The following ASXL1 variants were observed in gnomAD, a reference collection of about 807,000 sequenced individuals.
ASXL1 encodes ASXL transcriptional regulator 1, also known as polycomb group protein ASXL1.
ASXL1 carries 65 observed loss-of-function variants against 89.1 expected under a neutral mutation model. That is an observed-to-expected ratio of 0.73 (90% CI 0.60 to 0.90). The LOEUF is 0.90. Among genes scored for constraint, ASXL1 ranks in the 40% least tolerant of loss-of-function variants. The pLI is 0.00. For synonymous variants in ASXL1, 739 were observed against 746.9 expected (o/e 0.99, Z 0.17); for missense variants, 1,786 against 1,942.9 (o/e 0.92, Z 1.52).
chr20:32,396,767 T>A (rs949080479), intron 4 of ASXL1, among the ~76,000 whole-genome samples: 2 of 152,076 alleles, frequency 1.3e-5, no homozygotes, highest in Non-Finnish European at 2.9e-5. Context: ...ATATAAAAAA[T>A]TTTTTTGAGC....
intron 4 of ASXL1, among the ~76,000 whole-genome samples, chr20:32,424,341 C>G (rs1459924675): frequency 2.6e-5 from 4 of 152,126 alleles, no homozygotes; most frequent in Admixed American, 2.6e-4. Context: ...TCAAGACCAT[C>G]CTGGCCAACA....
intron 11 of ASXL1, 75 bp downstream of exon 11, chr20:32,433,060 T>C: frequency 6.3e-7 from 1 of 1,588,452 alleles, no homozygotes; most frequent in Non-Finnish European, 8.6e-7. Context: ...AAATAGCATA[T>C]ACTTATGTGT....
intron 1 of ASXL1, among the ~76,000 whole-genome samples, chr20:32,366,170 T>C (rs1405066469): frequency 1.3e-5 from 2 of 152,190 alleles, no homozygotes; most frequent in African/African-American, 4.8e-5. Flanking sequence ...AAGATATGCA[T>C]CCTTAGAATT....
rs1428242948 is a variant in ASXL1, at chr20:32,358,375, C to G, written c.-401C>G. On this transcript the variant is annotated 5_prime_UTR_variant, in exon 1 of 13. Transcript: ENST00000375687. ...CACGGCAGACACGCACGCACCCGGG[C>G]GCCGAAGGGAAAGCCGCGTCTCGCC... 3 of 233,896 alleles carry G rather than the reference C, an allele frequency of 1.3e-5. No individual in the cohort carries two copies. The highest frequency in any genetic ancestry group is 6.6e-5 in the African/African-American group (3 of 45,220). 14.5% of individuals were successfully genotyped at this position (233,896 alleles called of 1,614,324 possible).
intron 1 of ASXL1, among the ~76,000 whole-genome samples, chr20:32,362,988 A>G (rs2122785021): frequency 6.6e-6 from 1 of 152,162 alleles, no homozygotes; most frequent in African/African-American, 2.4e-5. Context: ...TTCATGACTG[A>G]CCAGTTCTTA....
chr20:32,411,860 T>C (rs1658883619), intron 4 of ASXL1, among the ~76,000 whole-genome samples: 1 of 152,224 alleles, frequency 6.6e-6, no homozygotes, highest in South Asian at 2.1e-4. Flanking sequence ...TCTTATTTTA[T>C]TATTGAGTTA....
In ASXL1 at chr20:32,428,340, C is replaced by G. The variant is rs1454605216; in HGVS notation, c.389C>G (p.Thr130Arg). Reference sequence around the variant, plus strand: ...TCTCTTCCAGTATCTCTTGATGAAACATCTTCGAACGCATCCTGTTCTACA... The same window carrying G: ...TCTCTTCCAGTATCTCTTGATGAAAGATCTTCGAACGCATCCTGTTCTACA... ...SGENDVSLDETSSNASCSTES... is the reference protein window; with the variant it reads ...SGENDVSLDERSSNASCSTES... Residue 130 changes from threonine (T) to arginine (R), a missense_variant, in exon 6 of 13, where the codon ACA becomes AGA. This residue lies in a region of ASXL1 where 332 missense variants were observed against 449.7 expected (regional missense o/e 0.74). Transcript: ENST00000375687. 6.2e-7 allele frequency: 1 copy of G among 1,614,178 alleles called. No individual in the cohort carries two copies. Among genetic ancestry groups the G allele is most frequent in the African/African-American group, 1.3e-5 (1 of 75,044 alleles).
intron 11 of ASXL1, 89 bp from the exon 12 acceptor site, chr20:32,433,195 T>C (rs764898233): frequency 1.2e-4 from 189 of 1,584,100 alleles, no homozygotes; most frequent in Non-Finnish European, 1.6e-4. Flanking sequence ...TGTTCTGAGA[T>C]ATCTGTGTTT....
At chr20:32,406,131 C>T (rs985508638) in intron 4 of ASXL1, among the ~76,000 whole-genome samples, 4 of 152,150 alleles carry the variant, frequency 2.6e-5, no homozygotes, top group Non-Finnish European at 4.4e-5. Flanking sequence ...TTCACTCAAT[C>T]TATATTTATA....
chr20:32,397,053 T>C (rs1322389859), intron 4 of ASXL1, among the ~76,000 whole-genome samples: 5 of 149,478 alleles, frequency 3.3e-5, no homozygotes, highest in African/African-American at 4.9e-5. Flanking sequence ...CCTGTATTTT[T>C]CTTTTTCCCG....
intron 4 of ASXL1, among the ~76,000 whole-genome samples, chr20:32,388,320 A>G (rs1031681969): frequency 1.3e-5 from 2 of 152,010 alleles, no homozygotes; most frequent in East Asian, 3.9e-4. Flanking sequence ...GGCTGCAGGC[A>G]TGCACCACCA....
chr20:32,429,448 G>A lies in ASXL1; in HGVS notation c.565+17G>A. On this transcript the variant is annotated intron_variant, in intron 7 of 12. Coordinates refer to ENST00000375687, the MANE Select transcript of ASXL1 (RefSeq NM_015338.6). This position sits in a 1 kb window ranked among gnomAD's most constrained non-coding sequence, Gnocchi z 4.9. ...CTGCATCAGGTATGTGTAAACTCATGGTTGTGATGCTTTTTCCTCAGGTCC... is the reference window on the plus strand; with the variant it reads ...CTGCATCAGGTATGTGTAAACTCATAGTTGTGATGCTTTTTCCTCAGGTCC... 1 of 1,610,944 alleles carries A rather than the reference G, an allele frequency of 6.2e-7. No homozygotes were observed.
Position 32,379,168 on chromosome 20 carries a change from T to TG in ASXL1, c.252+10045_252+10046insG, listed in dbSNP as rs2048442007. Among the ~76,000 whole-genome samples the TG allele has an allele frequency of 5.3e-3, 35 of 6,642 alleles. 1 individual carries two copies. The East Asian group carries it at 0.12, about 22-fold the overall frequency. 4.4% of individuals were successfully genotyped at this position (6,642 alleles called of 152,430 possible). A position where few individuals can be genotyped will look rare whatever the true frequency, so the allele number is the denominator to read the frequency against. On this transcript the variant is annotated intron_variant, in intron 4 of 12. Transcript: ENST00000375687. ...GTCAGGTATAACTTCAGTCTTTTTT[T>TG]TTTTTTTTTTTTTTTTTTTTTTTTT...
intron 4 of ASXL1, among the ~76,000 whole-genome samples, chr20:32,395,054 A>G (rs964850294): frequency 2.6e-5 from 4 of 152,128 alleles, no homozygotes; most frequent in Non-Finnish European, 5.9e-5. Flanking sequence ...CTTTTACTTT[A>G]TATGTTTTCC....
chr20:32,420,054 T>A (rs62206930), intron 4 of ASXL1, among the ~76,000 whole-genome samples: 2 of 148,008 alleles, frequency 1.4e-5, no homozygotes, highest in East Asian at 1.9e-4. Flanking sequence ...TTTTTTTTTT[T>A]AATGTGATCT....
At chr20:32,375,633 C>T (rs1020285509) in intron 4 of ASXL1, among the ~76,000 whole-genome samples, 1 of 151,850 alleles carries the variant, frequency 6.6e-6, no homozygotes, top group African/African-American at 2.4e-5. Context: ...TATTTTTGAA[C>T]AATCCAGACT....
intron 4 of ASXL1, among the ~76,000 whole-genome samples, chr20:32,415,867 T>G (rs1170660429): frequency 6.6e-6 from 1 of 152,040 alleles, no homozygotes; most frequent in Non-Finnish European, 1.5e-5. Flanking sequence ...ATATGTTCAT[T>G]TTGCCATGTT....
Position 32,429,304 on chromosome 20 carries a change from C to G in ASXL1, c.472-34C>G, listed in dbSNP as rs1329266906. ...AATGCTTTTGTGGCTCTGCAGTTGA[C>G]TTGGGCTCTCTTTTGTTCTCTCTTG... On this transcript the variant is annotated intron_variant, in intron 6 of 12. Coordinates refer to ENST00000375687, the MANE Select transcript of ASXL1 (RefSeq NM_015338.6). This position sits in a 1 kb window ranked among gnomAD's most constrained non-coding sequence, Gnocchi z 4.9. 1 of 1,604,458 alleles carries G rather than the reference C, an allele frequency of 6.2e-7. No homozygotes were observed.
intron 4 of ASXL1, among the ~76,000 whole-genome samples, chr20:32,424,754 G>A (rs1357012087): frequency 1.3e-5 from 2 of 151,990 alleles, no homozygotes; most frequent in African/African-American, 4.8e-5. Context: ...GGCTATCTGT[G>A]GTAGTGTTCC....
Sources: gnomAD v4.1 joint callset for allele counts (sites outside exome capture counted in the v4.1 genomes callset) on GRCh38, gnomAD v4.1.1 for gene constraint, gnomAD v4.1.1 regional missense constraint, Gnocchi (gnomAD v3.1) non-coding constraint, MANE v1.5 for transcripts, NCBI Gene and HGNC (gene_info 2026-07-23, HGNC 2026-07-21) for gene names.